The following ADAM7 variants were observed in gnomAD, a reference collection of about 807,000 sequenced individuals.
ADAM7 encodes disintegrin and metalloproteinase domain-containing protein 7.
Under a neutral mutation model 102.9 loss-of-function variants are expected in ADAM7, and 97 were observed. The observed-to-expected ratio is 0.94, with a 90% CI of 0.80 to 1.12. ADAM7 has a LOEUF of 1.12. Among genes scored for constraint, ADAM7 ranks in the 50% most tolerant of loss-of-function variants. The pLI is 0.00. For synonymous variants in ADAM7, 334 were observed against 304.4 expected (o/e 1.10, Z -1.01); for missense variants, 991 against 908.7 (o/e 1.09, Z -1.16).
At chr8:24,467,279 C>T (rs2129382564) in intron 6 of ADAM7, 2 of 453,566 alleles carry the variant, frequency 4.4e-6, no homozygotes, top group Admixed American at 4.0e-5. Context: ...TGTCCTAAAA[C>T]CTAATCTAGA....
At chr8:24,479,183 G>A (rs910317331) in intron 8 of ADAM7, among the ~76,000 whole-genome samples, 7 of 152,038 alleles carry the variant, frequency 4.6e-5, no homozygotes, top group African/African-American at 1.7e-4. Flanking sequence ...TTCTAGCCTA[G>A]TTATGGGGTC....
chr8:24,489,526 A>C (rs1023755912), intron 12 of ADAM7, among the ~76,000 whole-genome samples, 193 bp downstream of exon 12: 1 of 152,194 alleles, frequency 6.6e-6, no homozygotes, highest in Non-Finnish European at 1.5e-5. Flanking sequence ...TTATCAAGTC[A>C]TGAAACATGT....
intron 3 of ADAM7, among the ~76,000 whole-genome samples, chr8:24,450,902 G>A (rs1218312547): frequency 1.3e-5 from 2 of 152,182 alleles, no homozygotes; most frequent in Admixed American, 6.5e-5. Flanking sequence ...CATCTATTGA[G>A]ATAATCATGT....
intron 3 of ADAM7, among the ~76,000 whole-genome samples, chr8:24,449,094 A>T (rs779732141): frequency 2.3e-4 from 35 of 152,312 alleles, no homozygotes; most frequent in Middle Eastern, 3.4e-3. Flanking sequence ...GCTATTGTGA[A>T]TAGAGCCGCA....
rs933536266 is a variant in ADAM7, at chr8:24,455,620, G to T, written c.234-8262G>T. 2.0e-5 allele frequency among the ~76,000 whole-genome samples: 3 copies of T among 152,280 alleles called. No individual in the cohort carries two copies. In the East Asian group the frequency reaches 5.8e-4, roughly 29 times the overall value. On this transcript the variant is annotated intron_variant, in intron 3 of 21. Transcript: ENST00000175238. ...GGTGTTTCACCCTGTTATCCAGGCT[G>T]GTCTGAAACTCTTAGGTTCAAGCAG... is the stretch of plus-strand genomic sequence containing the variant.
chr8:24,442,731 C>A (rs1818418003), intron 2 of ADAM7, among the ~76,000 whole-genome samples, 155 bp downstream of exon 2: 2 of 152,202 alleles, frequency 1.3e-5, no homozygotes, highest in South Asian at 4.1e-4. Flanking sequence ...AATAAGCAAC[C>A]CCTCAATGGG....
At chr8:24,476,215 A>G (rs1410555152) in intron 7 of ADAM7, among the ~76,000 whole-genome samples, 1 of 152,194 alleles carries the variant, frequency 6.6e-6, no homozygotes, top group Non-Finnish European at 1.5e-5. Flanking sequence ...GCTTGAAGTA[A>G]TACTACACCT....
At chr8:24,447,452 C>T (rs1415085290) in intron 3 of ADAM7, among the ~76,000 whole-genome samples, 190 bp downstream of exon 3, 2 of 152,076 alleles carry the variant, frequency 1.3e-5, no homozygotes, top group Non-Finnish European at 2.9e-5. Context: ...ATCACAGATG[C>T]CACTGTTCTC....
intron 8 of ADAM7, among the ~76,000 whole-genome samples, chr8:24,478,745 A>G (rs534723660): frequency 1.3e-5 from 2 of 151,626 alleles, no homozygotes; most frequent in East Asian, 3.9e-4. Context: ...AGTTTTGTCA[A>G]CTCTTTTCTC....
chr8:24,477,495 G>GATCAAACTGTTTCAGTTTTGTCC, intron 8 of ADAM7, among the ~76,000 whole-genome samples: 2 of 151,250 alleles, frequency 1.3e-5, no homozygotes, highest in African/African-American at 4.9e-5. Context: ...TTATTTTGTT[G>GATCAAACTGTTTCAGTTTTGTCC]CTCAAACTGT....
Position 24,489,311 on chromosome 8 carries a change from AGT to A in ADAM7, c.1248_1249del (p.Cys416Ter). On this transcript the variant is annotated frameshift_variant, in exon 12 of 22. Coordinates refer to ENST00000175238, the MANE Select transcript of ADAM7 (RefSeq NM_003817.4). LOFTEE classifies it high-confidence loss of function. ...AACAAGAAGTTGGATGAGGGTGAAGAGTGTGACTGTGGCCCTGCTCAGGTATT... is the reference window on the plus strand; with the variant it reads ...AACAAGAAGTTGGATGAGGGTGAAGAGTGACTGTGGCCCTGCTCAGGTATT... 6.2e-7 allele frequency: 1 copy of A among 1,612,342 alleles called. No homozygotes were observed. The highest frequency in any genetic ancestry group is 8.5e-7 in the Non-Finnish European group (1 of 1,179,256).
chr8:24,452,110 A>C (rs969063236), intron 3 of ADAM7, among the ~76,000 whole-genome samples: 2 of 151,424 alleles, frequency 1.3e-5, no homozygotes, highest in South Asian at 2.1e-4. Context: ...GTGGTGCTGA[A>C]AAAAATGTAT....
chr8:24,467,017 A>T, intron 6 of ADAM7, 29 bp downstream of exon 6: 1 of 1,569,466 alleles, frequency 6.4e-7, no homozygotes, highest in Non-Finnish European at 8.7e-7. Context: ...TCTTTACCCC[A>T]AATGAAACAC....
chr8:24,454,646 G>A (rs961183143), intron 3 of ADAM7, among the ~76,000 whole-genome samples: 25 of 152,048 alleles, frequency 1.6e-4, no homozygotes, highest in South Asian at 6.2e-4. Context: ...GCTCGTGCAC[G>A]GTGCGCTGCA....
rs189188549 is a variant in ADAM7 at position 24,447,817 on chromosome 8, G to A, written c.233+555G>A. Among the ~76,000 whole-genome samples the A allele has an allele frequency of 8.5e-5, 13 of 152,056 alleles. No homozygotes were observed. In the East Asian group the frequency reaches 2.3e-3, roughly 27 times the overall value. ...CACTGGGCCATTTCTACACAAAATA[G>A]CTCTGTCTCAGAGCCCCAGATATTA... On this transcript the variant is annotated intron_variant, in intron 3 of 21. Transcript: ENST00000175238.
intron 2 of ADAM7, among the ~76,000 whole-genome samples, chr8:24,445,605 T>A (rs902351964): frequency 2.6e-5 from 4 of 152,206 alleles, no homozygotes; most frequent in African/African-American, 9.7e-5. Context: ...TCAACAGCCT[T>A]AAATGGTTTT....
intron 13 of ADAM7, 112 bp from the exon 14 acceptor site, chr8:24,491,791 T>C (rs978948460): frequency 2.7e-6 from 2 of 734,764 alleles, no homozygotes; most frequent in Admixed American, 3.3e-5. Context: ...AAGGAAGCTA[T>C]GATCCATCCT....
intron 16 of ADAM7, among the ~76,000 whole-genome samples, chr8:24,496,716 T>C (rs942157621): frequency 7.2e-5 from 11 of 152,212 alleles, no homozygotes; most frequent in Non-Finnish European, 1.3e-4. Flanking sequence ...TTCTGGCCAA[T>C]TTCTCCCATT....
chr8:24,500,709 G>C, intron 18 of ADAM7, 81 bp from the exon 19 acceptor site: 1 of 1,140,940 alleles, frequency 8.8e-7, no homozygotes, highest in Non-Finnish European at 1.3e-6. Context: ...AAGGAGCATT[G>C]TAACAGCTCC....
Sources: allele counts gnomAD v4.1 joint callset (sites outside exome capture counted in the v4.1 genomes callset), GRCh38; gene constraint gnomAD v4.1.1; transcripts MANE v1.5; gene names NCBI Gene and HGNC (gene_info 2026-07-23, HGNC 2026-07-21).